Variants in PRKCB observed in about 807,000 individuals in gnomAD.
PRKCB encodes the protein protein kinase C beta.
PRKCB carries 13 observed loss-of-function variants against 81.5 expected under a neutral mutation model. The ratio of observed to expected loss-of-function variants is 0.16; its 90% confidence interval spans 0.10 to 0.25. PRKCB has a LOEUF of 0.25. Ranked by LOEUF, PRKCB falls within the 10% of genes least tolerant of loss-of-function variation. The pLI is 1.00. For synonymous variants in PRKCB, 335 were observed against 321.4 expected, an observed-to-expected ratio of 1.04 and a Z score of -0.45; for missense variants, 509 against 875.7, an observed-to-expected ratio of 0.58 and a Z score of 5.29.
chr16:24,087,686 T>G (rs553315602), intron 5 of PRKCB, among the ~76,000 whole-genome samples: 1 of 152,334 alleles, frequency 6.6e-6, no homozygotes, highest in African/African-American at 2.4e-5. Context: ...ATTCTGAGTT[T>G]TCTGACAGAT....
chr16:24,050,329 A>G (rs1965824915), intron 5 of PRKCB, among the ~76,000 whole-genome samples: 1 of 152,218 alleles, frequency 6.6e-6, no homozygotes, highest in African/African-American at 2.4e-5. Context: ...CAGTTGGAGT[A>G]GCTTCCTTAT....
intron 2 of PRKCB, among the ~76,000 whole-genome samples, chr16:23,926,310 C>T (rs1963895547): frequency 6.6e-6 from 1 of 150,880 alleles, no homozygotes; most frequent in Non-Finnish European, 1.5e-5. Context: ...CATGGTGAAG[C>T]CCCATCTCTG....
chr16:24,146,623 G>C (rs1051991311), intron 9 of PRKCB, among the ~76,000 whole-genome samples: 1 of 152,142 alleles, frequency 6.6e-6, no homozygotes, highest in Non-Finnish European at 1.5e-5. Context: ...TTTGCCATTG[G>C]GATTCGCCAG....
intron 2 of PRKCB, among the ~76,000 whole-genome samples, chr16:23,872,153 G>C (rs956746537): frequency 6.6e-6 from 1 of 152,144 alleles, no homozygotes; most frequent in Non-Finnish European, 1.5e-5. Context: ...TCTCTTGCTG[G>C]CCAACTTAGC....
chr16:23,985,001 A>G (rs960232359), intron 2 of PRKCB, among the ~76,000 whole-genome samples: 6 of 152,236 alleles, frequency 3.9e-5, no homozygotes, highest in African/African-American at 1.4e-4. Context: ...GGAAGCAACT[A>G]AAACTCCACA....
intron 2 of PRKCB, among the ~76,000 whole-genome samples, chr16:23,847,550 A>ATCC (rs745628009): frequency 0.18 from 26,551 of 144,850 alleles, 2,563 homozygotes; most frequent in East Asian, 0.31. Flanking sequence ...TCATCCATCC[A>ATCC]ACCATCCATC....
At position 24,184,644 on chromosome 16, in the gene PRKCB, T is replaced by G. The variant is rs444830; in HGVS notation, c.1534-467T>G. On this transcript the variant is annotated intron_variant, in intron 13 of 16. Coordinates refer to ENST00000643927, the MANE Select transcript of PRKCB (RefSeq NM_002738.7). ...GTGATTTTCATGTTATTATCTCAGCTGAGCTATCTTTTATAAAGAAATATT... is the reference window on the plus strand; with the variant it reads ...GTGATTTTCATGTTATTATCTCAGCGGAGCTATCTTTTATAAAGAAATATT... Among the ~76,000 whole-genome samples the G allele has an allele frequency of 7.7e-4, 118 of 152,310 alleles. 1 individual carries two copies. The highest frequency in any genetic ancestry group is 3.4e-3 in the Middle Eastern group (1 of 294).
At chr16:23,859,731 G>A (rs182329746) in intron 2 of PRKCB, among the ~76,000 whole-genome samples, 60 of 152,198 alleles carry the variant, frequency 3.9e-4, no homozygotes, top group Admixed American at 1.2e-3. Flanking sequence ...TGAAGTACCC[G>A]GGGATGTTTA....
At chr16:24,071,089 C>T (rs1193472016) in intron 5 of PRKCB, among the ~76,000 whole-genome samples, 1 of 152,114 alleles carries the variant, frequency 6.6e-6, no homozygotes, top group East Asian at 1.9e-4. Context: ...AGCCCCCCTC[C>T]ACTCCAGGGC....
At chr16:24,166,945 G>A (rs1369743020) in intron 10 of PRKCB, among the ~76,000 whole-genome samples, 1 of 152,014 alleles carries the variant, frequency 6.6e-6, no homozygotes, top group East Asian at 1.9e-4. Flanking sequence ...CCTGATGTGG[G>A]GATTCCGACT....
chr16:24,160,745 G>T (rs1385394615), intron 10 of PRKCB, among the ~76,000 whole-genome samples: 1 of 152,096 alleles, frequency 6.6e-6, no homozygotes, highest in Non-Finnish European at 1.5e-5. Flanking sequence ...TGGATGGATT[G>T]GGGCAGAGAG....
intron 3 of PRKCB, among the ~76,000 whole-genome samples, chr16:24,015,169 G>A (rs1401788731): frequency 6.6e-6 from 1 of 152,190 alleles, no homozygotes; most frequent in African/African-American, 2.4e-5. Context: ...AAGTCACACA[G>A]CTGGGAGGTC....
At chr16:23,887,631 T>C (rs984849295) in intron 2 of PRKCB, among the ~76,000 whole-genome samples, 3 of 152,252 alleles carry the variant, frequency 2.0e-5, no homozygotes, top group African/African-American at 4.8e-5. Flanking sequence ...ATGTTTTTGC[T>C]GTTATGGACA....
chr16:24,112,514 G>A (rs888558696), intron 7 of PRKCB, among the ~76,000 whole-genome samples: 1 of 152,046 alleles, frequency 6.6e-6, no homozygotes, highest in Non-Finnish European at 1.5e-5. Flanking sequence ...CTCCAGCCTG[G>A]GTGACAGAGT....
intron 8 of PRKCB, among the ~76,000 whole-genome samples, chr16:24,114,914 G>A (rs889797112): frequency 2.0e-5 from 3 of 151,972 alleles, no homozygotes; most frequent in African/African-American, 7.3e-5. Context: ...CAGGTACCTT[G>A]AGAACATGTA....
intron 5 of PRKCB, among the ~76,000 whole-genome samples, chr16:24,052,038 A>G (rs1196782789): frequency 6.6e-6 from 1 of 150,854 alleles, no homozygotes; most frequent in Non-Finnish European, 1.5e-5. Flanking sequence ...TGAACCTGGG[A>G]GGTGGAGGTT....
intron 5 of PRKCB, among the ~76,000 whole-genome samples, chr16:24,062,107 ATCAG>A (rs1389788831): frequency 1.3e-5 from 2 of 152,316 alleles, no homozygotes; most frequent in Non-Finnish European, 2.9e-5. Context: ...TACTAATTGT[ATCAG>A]TAAGCATTTG....
intron 5 of PRKCB, among the ~76,000 whole-genome samples, chr16:24,089,250 G>C (rs1352311195): frequency 6.6e-6 from 1 of 152,152 alleles, no homozygotes; most frequent in Non-Finnish European, 1.5e-5. Context: ...AAAGCATATG[G>C]ACAGGTTTCA....
At chr16:24,160,890 T>G (rs1022976467) in intron 10 of PRKCB, among the ~76,000 whole-genome samples, 3 of 151,872 alleles carry the variant, frequency 2.0e-5, no homozygotes, top group African/African-American at 7.3e-5. Context: ...GAAGAGTGAG[T>G]GTGAATGCCC....
Sources: allele counts gnomAD v4.1 joint callset (sites outside exome capture counted in the v4.1 genomes callset), GRCh38; gene constraint gnomAD v4.1.1; transcripts MANE v1.5; gene names NCBI Gene and HGNC (gene_info 2026-07-23, HGNC 2026-07-21).